KLF12: variants seen among roughly 807,000 people sequenced by gnomAD.
KLF12 encodes the protein KLF transcription factor 12.
KLF12 carries 9 observed loss-of-function variants against 37.8 expected under a neutral mutation model. The observed-to-expected ratio is 0.24, with a 90% CI of 0.14 to 0.42. The LOEUF is 0.42. KLF12 is among the 10% of genes least tolerant of loss of function. KLF12 has a pLI of 1.00. For synonymous variants in KLF12, 208 were observed against 202.1 expected, an observed-to-expected ratio of 1.03 and a Z score of -0.25; for missense variants, 411 against 516.0, an observed-to-expected ratio of 0.80 and a Z score of 1.97.
At chr13:74,301,793 G>GT in the KLF12 span, among the ~76,000 whole-genome samples, 3 of 152,116 alleles carry the variant, frequency 2.0e-5, no homozygotes, top group Non-Finnish European at 4.4e-5. Context: ...GCGTTAGAGT[G>GT]TACGCTGCAT....
chr13:74,159,047 A>G, the KLF12 span, among the ~76,000 whole-genome samples: 1 of 152,222 alleles, frequency 6.6e-6, no homozygotes, highest in East Asian at 1.9e-4. Context: ...TGTAAATATG[A>G]GAAAACAGGC....
chr13:74,026,590 G>A (rs1892981048), intron 1 of KLF12, among the ~76,000 whole-genome samples: 1 of 152,024 alleles, frequency 6.6e-6, no homozygotes, highest in Non-Finnish European at 1.5e-5. Context: ...AATATATAAT[G>A]TTTTAAAAAG....
intron 1 of KLF12, among the ~76,000 whole-genome samples, chr13:74,094,996 A>G (rs1875895953): frequency 1.3e-5 from 2 of 152,306 alleles, no homozygotes; most frequent in South Asian, 4.1e-4. Flanking sequence ...CAGTTATCCT[A>G]CACATTGTAT....
intron 5 of KLF12, among the ~76,000 whole-genome samples, chr13:73,796,499 C>T (rs1379181413): frequency 4.9e-5 from 6 of 122,256 alleles, no homozygotes; most frequent in Non-Finnish European, 7.3e-5. Context: ...TTTCTCCCTG[C>T]CCCTGTGCTG....
the KLF12 span, among the ~76,000 whole-genome samples, chr13:74,178,954 T>C: frequency 6.6e-6 from 1 of 152,252 alleles, no homozygotes; most frequent in Non-Finnish European, 1.5e-5. Context: ...CTTTTAAAAA[T>C]ATAACCTCTA....
chr13:73,780,903 T>C (rs1268962792), intron 5 of KLF12, among the ~76,000 whole-genome samples: 5 of 152,254 alleles, frequency 3.3e-5, no homozygotes, highest in East Asian at 1.9e-4. Context: ...TATCAGAGGA[T>C]TGACTCCAAT....
chr13:74,017,572 CA>C (rs1286017896), intron 1 of KLF12, among the ~76,000 whole-genome samples: 7 of 139,810 alleles, frequency 5.0e-5, no homozygotes, highest in South Asian at 2.4e-4. Context: ...CCCCACCCCC[CA>C]AAAAAAAACC....
intron 5 of KLF12, among the ~76,000 whole-genome samples, chr13:73,789,478 A>G (rs1881536898): frequency 6.6e-6 from 1 of 152,106 alleles, no homozygotes; most frequent in Non-Finnish European, 1.5e-5. Flanking sequence ...CGTTCTGGAC[A>G]TCATCTAGTC....
chr13:73,994,572 C>T (rs1394875766), intron 2 of KLF12, among the ~76,000 whole-genome samples: 2 of 151,898 alleles, frequency 1.3e-5, no homozygotes, highest in Non-Finnish European at 2.9e-5. Context: ...ACTTCAGGGG[C>T]ATAGGACTGC....
intron 4 of KLF12, among the ~76,000 whole-genome samples, chr13:73,843,759 C>T (rs1884872961): frequency 6.6e-6 from 1 of 152,200 alleles, no homozygotes; most frequent in African/African-American, 2.4e-5. Context: ...CTAATTCATA[C>T]ATCCTTGATC....
intron 7 of KLF12, among the ~76,000 whole-genome samples, chr13:73,697,950 C>T (rs1478236381): frequency 6.6e-6 from 1 of 151,984 alleles, no homozygotes; most frequent in African/African-American, 2.4e-5. Flanking sequence ...GCCAGGAGTT[C>T]AAGATCAGCC....
chr13:74,270,106 T>C, the KLF12 span, among the ~76,000 whole-genome samples: 1 of 152,334 alleles, frequency 6.6e-6, no homozygotes, highest in East Asian at 1.9e-4. Context: ...TTGGTTGGCC[T>C]TTGTCCTGCT....
At chr13:73,905,496 A>G (rs372204592) in intron 3 of KLF12, among the ~76,000 whole-genome samples, 20 of 151,962 alleles carry the variant, frequency 1.3e-4, no homozygotes, top group African/African-American at 4.8e-4. Flanking sequence ...ATCTCCATGA[A>G]CATTATTTCT....
At chr13:74,168,554 G>A in the KLF12 span, among the ~76,000 whole-genome samples, 1 of 152,140 alleles carries the variant, frequency 6.6e-6, no homozygotes, top group East Asian at 1.9e-4. Flanking sequence ...AGATCAAATC[G>A]TTCCCCAAGT....
At chr13:73,881,680 C>A (rs777607045) in intron 3 of KLF12, among the ~76,000 whole-genome samples, 4 of 151,942 alleles carry the variant, frequency 2.6e-5, no homozygotes, top group African/African-American at 9.7e-5. Context: ...CCTAAATAAA[C>A]TCAGTTGTTT....
intron 2 of KLF12, among the ~76,000 whole-genome samples, chr13:73,960,988 T>G (rs762343944): frequency 9.2e-5 from 14 of 152,068 alleles, no homozygotes; most frequent in Non-Finnish European, 1.6e-4. Flanking sequence ...AGCCAGTGAG[T>G]GTACTTTTAA....
intron 5 of KLF12, among the ~76,000 whole-genome samples, chr13:73,786,025 A>G (rs1161601652): frequency 6.6e-6 from 1 of 151,876 alleles, no homozygotes; most frequent in East Asian, 1.9e-4. Context: ...GCTTCCACCA[A>G]GCCAAAGCAA....
At chr13:74,256,154 C>CAA in the KLF12 span, among the ~76,000 whole-genome samples, 11 of 75,602 alleles carry the variant, frequency 1.5e-4, no homozygotes, top group East Asian at 9.0e-4. Context: ...GACTCTGTCT[C>CAA]AAAAAAAAAA....
chr13:74,112,420 T>TGTG (rs1227903020), intron 1 of KLF12, among the ~76,000 whole-genome samples: 1 of 101,008 alleles, frequency 9.9e-6, no homozygotes, highest in Non-Finnish European at 2.3e-5. Flanking sequence ...GTGTGTGTGT[T>TGTG]TTGTTTTGAT....
Sources: allele counts gnomAD v4.1 joint callset (sites outside exome capture counted in the v4.1 genomes callset), GRCh38; gene constraint gnomAD v4.1.1; transcripts MANE v1.5; gene names NCBI Gene and HGNC (gene_info 2026-07-23, HGNC 2026-07-21).